TACR1: variants seen among roughly 807,000 people sequenced by gnomAD.
TACR1 encodes substance-P receptor.
In TACR1, 25 loss-of-function variants were observed where a neutral mutation model predicts 35.8. The ratio of observed to expected loss-of-function variants is 0.70; its 90% CI spans 0.51 to 0.98. The LOEUF (loss-of-function observed/expected upper bound fraction) is 0.98, where lower values mean the gene tolerates loss of function less well. TACR1 is among the 50% of genes least tolerant of loss of function. TACR1 has a pLI of 0.00. For synonymous variants in TACR1, 195 were observed against 206.7 expected (o/e 0.94, Z 0.48); for missense variants, 478 against 522.9 (o/e 0.91, Z 0.84).
intron 1 of TACR1, chr2:75,154,400 GAGCGCGCACGCACACACACAC>G (rs1008661779): frequency 3.8e-5 from 3 of 79,654 alleles, no homozygotes; most frequent in African/African-American, 2.0e-4. Flanking sequence ...AATCAGCCAA[GAGCGCGCACGCACACACACAC>G]ACACACACAC....
chr2:75,086,317 A>C (rs1276030536), intron 2 of TACR1, among the ~76,000 whole-genome samples: 1 of 152,218 alleles, frequency 6.6e-6, no homozygotes. Context: ...TGCAGATTTT[A>C]TATTCTAGTC....
rs559404259 is a variant in TACR1, at chr2:75,058,357, C to A, written c.585-4602G>T. 3.9e-5 allele frequency among the ~76,000 whole-genome samples: 6 copies of A among 152,084 alleles called. No individual in the cohort carries two copies. The South Asian group carries it at 1.2e-3, about 32-fold the overall frequency. On this transcript the variant is annotated intron_variant, in intron 2 of 4. Transcript: ENST00000305249. The stretch of plus-strand genomic sequence containing the variant: ...TTATTTTAGAGAGCTGGTCAATGAG[C>A]CAGCACAATCTTATTTTGTGTGGCT...
intron 1 of TACR1, chr2:75,154,404 G>GCGCGCGCGCA (rs1364962469): frequency 3.6e-5 from 3 of 84,420 alleles, no homozygotes; most frequent in Non-Finnish European, 2.5e-5. Flanking sequence ...AGCCAAGAGC[G>GCGCGCGCGCA]CGCACGCACA....
intron 1 of TACR1, among the ~76,000 whole-genome samples, chr2:75,174,015 C>T (rs967596289): frequency 1.3e-5 from 2 of 152,190 alleles, no homozygotes; most frequent in Admixed American, 1.3e-4. Flanking sequence ...CAATCATTCT[C>T]TTTGCTTCAC....
intron 2 of TACR1, among the ~76,000 whole-genome samples, chr2:75,056,002 A>G (rs1672562249): frequency 6.6e-6 from 1 of 152,250 alleles, no homozygotes; most frequent in African/African-American, 2.4e-5. Context: ...TCAGTGCCCA[A>G]AGGTATTCAT....
intron 2 of TACR1, among the ~76,000 whole-genome samples, chr2:75,091,585 G>C (rs1673314634): frequency 6.6e-6 from 1 of 152,128 alleles, no homozygotes; most frequent in South Asian, 2.1e-4. Flanking sequence ...GTCTGTTATT[G>C]CAACAGGGCT....
intron 2 of TACR1, among the ~76,000 whole-genome samples, chr2:75,103,565 GAATAAATA>G (rs70937820): frequency 0.51 from 77,425 of 150,766 alleles, 20,676 homozygotes; most frequent in African/African-American, 0.55. Context: ...ATAAATGATT[GAATAAATA>G]AATAAATAAA....
intron 1 of TACR1, among the ~76,000 whole-genome samples, chr2:75,184,727 A>G (rs2104060708): frequency 6.6e-6 from 1 of 151,376 alleles, no homozygotes; most frequent in Admixed American, 6.6e-5. Context: ...TATATACAAC[A>G]TATGTGGTAA....
chr2:75,109,546 A>C (rs1482749185), intron 2 of TACR1, among the ~76,000 whole-genome samples: 1 of 152,210 alleles, frequency 6.6e-6, no homozygotes, highest in Non-Finnish European at 1.5e-5. Flanking sequence ...GAGATAGCTT[A>C]CTTCAAGAAA....
chr2:75,087,430 G>A (rs553022805), intron 2 of TACR1, among the ~76,000 whole-genome samples: 1 of 152,210 alleles, frequency 6.6e-6, no homozygotes, highest in Non-Finnish European at 1.5e-5. Context: ...TCTCTCTGGA[G>A]TGTTTGGAAG....
chr2:75,072,518 C>T (rs75529364), intron 2 of TACR1, among the ~76,000 whole-genome samples: 6,024 of 152,304 alleles, frequency 0.04, 172 homozygotes, highest in Non-Finnish European at 0.055. Flanking sequence ...AACTCTAACC[C>T]TAACCCTAAC....
At chr2:75,133,639 T>G (rs937325989) in intron 1 of TACR1, among the ~76,000 whole-genome samples, 1 of 152,172 alleles carries the variant, frequency 6.6e-6, no homozygotes, top group Non-Finnish European at 1.5e-5. Context: ...TTGGTTTGCT[T>G]TTTATCAAGG....
At chr2:75,198,523 C>T (rs1558591084) in intron 1 of TACR1, 23 bp downstream of exon 1, 2 of 1,605,244 alleles carry the variant, frequency 1.2e-6, no homozygotes, top group Non-Finnish European at 1.7e-6. Context: ...ACTTTCTCGC[C>T]TTTTCACAAA....
At chr2:75,147,879 G>A (rs866448914) in intron 1 of TACR1, among the ~76,000 whole-genome samples, 2 of 152,088 alleles carry the variant, frequency 1.3e-5, no homozygotes, top group Middle Eastern at 3.4e-3. Flanking sequence ...GGAGTAGCTG[G>A]GAGTACAGGC....
chr2:75,123,092 G>A (rs899825894), intron 1 of TACR1, among the ~76,000 whole-genome samples: 1 of 147,688 alleles, frequency 6.8e-6, no homozygotes, highest in African/African-American at 2.5e-5. Context: ...GACCCAGATG[G>A]TCATGGCCAG....
chr2:75,160,000 C>A (rs560534998), intron 1 of TACR1, among the ~76,000 whole-genome samples: 5 of 152,220 alleles, frequency 3.3e-5, no homozygotes, highest in African/African-American at 1.2e-4. Context: ...CTGGATATCT[C>A]CCCATGGCAA....
intron 1 of TACR1, among the ~76,000 whole-genome samples, chr2:75,169,863 A>AT (rs1484279803): frequency 3.3e-5 from 5 of 151,436 alleles, no homozygotes; most frequent in African/African-American, 1.2e-4. Flanking sequence ...TCCAGTTTTC[A>AT]TTTTTTCTTC....
intron 2 of TACR1, among the ~76,000 whole-genome samples, chr2:75,113,466 T>C (rs1203151344): frequency 2.0e-5 from 3 of 151,700 alleles, no homozygotes; most frequent in Non-Finnish European, 4.4e-5. Flanking sequence ...GTAAAATTTC[T>C]GGCATTTGTG....
intron 1 of TACR1, among the ~76,000 whole-genome samples, chr2:75,185,346 A>G (rs1360508695): frequency 6.6e-6 from 1 of 152,080 alleles, no homozygotes; most frequent in African/African-American, 2.4e-5. Flanking sequence ...ATAATAACAA[A>G]GAGAAAGCAC....
Sources: gnomAD v4.1 joint callset for allele counts (sites outside exome capture counted in the v4.1 genomes callset) on GRCh38, gnomAD v4.1.1 for gene constraint, MANE v1.5 for transcripts, NCBI Gene and HGNC (gene_info 2026-07-23, HGNC 2026-07-21) for gene names.